The following WDFY4 variants were observed in gnomAD, a reference collection of about 807,000 sequenced individuals.
WDFY4 encodes WD repeat- and FYVE domain-containing protein 4.
A neutral mutation model predicts 351.9 loss-of-function variants in WDFY4; 169 were observed. The observed-to-expected ratio is 0.48, with a 90% CI of 0.42 to 0.55. The LOEUF (loss-of-function observed/expected upper bound fraction) is 0.55, where lower values mean the gene tolerates loss of function less well. Ranked by LOEUF, WDFY4 falls within the 20% of genes least tolerant of loss-of-function variation. The probability of loss-of-function intolerance (pLI) is 0.00; values close to 1 mark genes in which losing one functional copy is unlikely to be tolerated. For missense variants in WDFY4, 3,803 were observed against 3,935.6 expected (o/e 0.97, Z 0.90); for synonymous variants, 1,622 against 1,574.6 (o/e 1.03, Z -0.71).
chr10:48,841,782 T>G (rs547920782), intron 39 of WDFY4, among the ~76,000 whole-genome samples: 2 of 152,202 alleles, frequency 1.3e-5, no homozygotes, highest in Non-Finnish European at 2.9e-5. Flanking sequence ...GCAGTAACCT[T>G]CTTAGATTAG....
intron 47 of WDFY4, among the ~76,000 whole-genome samples, chr10:48,928,474 T>C (rs1030997054): frequency 6.6e-6 from 1 of 151,458 alleles, no homozygotes; most frequent in South Asian, 2.1e-4. Context: ...GGACTCCAGG[T>C]GCCAGCCCAG....
At chr10:48,835,798 C>T (rs1010887236) in intron 39 of WDFY4, among the ~76,000 whole-genome samples, 4 of 152,200 alleles carry the variant, frequency 2.6e-5, no homozygotes, top group African/African-American at 4.8e-5. Flanking sequence ...TTTCTTTCTA[C>T]ACTTTAAATT....
At chr10:48,731,607 G>A (rs1236281364) in intron 9 of WDFY4, 45 bp downstream of exon 9, 1 of 1,519,450 alleles carries the variant, frequency 6.6e-7, no homozygotes, top group Non-Finnish European at 8.8e-7. Flanking sequence ...GTCAGTGTCA[G>A]CCAGGCCTGA....
intron 11 of WDFY4, 76 bp from the exon 12 acceptor site, chr10:48,742,892 C>G (rs2064896838): frequency 2.9e-6 from 4 of 1,373,696 alleles, no homozygotes; most frequent in Non-Finnish European, 3.9e-6. Context: ...GTGGGACGCT[C>G]TGGCAGGAAT....
At chr10:48,744,946 A>T (rs1306504259) in intron 12 of WDFY4, among the ~76,000 whole-genome samples, 1 of 152,156 alleles carries the variant, frequency 6.6e-6, no homozygotes, top group Non-Finnish European at 1.5e-5. Flanking sequence ...CTGCTTCAGC[A>T]CTATTCACAA....
Position 48,915,159 on chromosome 10 carries a change from G to A in WDFY4, c.7586+13296G>A, listed in dbSNP as rs566329062. Among the ~76,000 whole-genome samples, 3 of 152,162 alleles carry A rather than the reference G, an allele frequency of 2.0e-5. No individual in the cohort carries two copies. The South Asian group carries it at 6.2e-4, about 31-fold the overall frequency. ...CACCCTTACAGAGCTATGAGGGGGC[G>A]TAAATTATCTAATACTATAAAGCAC... On this transcript the variant is annotated intron_variant, in intron 47 of 61. Transcript: ENST00000325239.
At chr10:48,974,613 G>A (rs1005362998) in intron 57 of WDFY4, among the ~76,000 whole-genome samples, 1 of 149,892 alleles carries the variant, frequency 6.7e-6, no homozygotes, top group African/African-American at 2.5e-5. Context: ...CTCTGGTTGG[G>A]TTATAAGTAA....
intron 11 of WDFY4, 105 bp from the exon 12 acceptor site, chr10:48,742,863 G>T: frequency 9.6e-7 from 1 of 1,042,370 alleles, no homozygotes; most frequent in South Asian, 1.7e-5. Flanking sequence ...TTGGCCTGAA[G>T]TCGTTGAGGG....
At chr10:48,861,975 G>T (rs2069360151) in intron 39 of WDFY4, among the ~76,000 whole-genome samples, 3 of 152,104 alleles carry the variant, frequency 2.0e-5, no homozygotes, top group Admixed American at 2.0e-4. Context: ...CTTGCATTCT[G>T]CTGTTTTACA....
chr10:48,899,513 T>C (rs3849148), intron 45 of WDFY4, among the ~76,000 whole-genome samples: 2 of 151,780 alleles, frequency 1.3e-5, no homozygotes, highest in African/African-American at 2.4e-5. Context: ...TACAGGTCTC[T>C]TCTCTCCCTA....
rs1004036360 is a variant in WDFY4 at position 48,772,809 on chromosome 10, T to C, written c.2554-1649T>C. ...AGAATATGCGGTGTTTGGTTTTTTGTTCTTGCGATAGTTTACTGAGAATGG... is the reference window on the plus strand; with the variant it reads ...AGAATATGCGGTGTTTGGTTTTTTGCTCTTGCGATAGTTTACTGAGAATGG... On this transcript the variant is annotated intron_variant, in intron 13 of 61. Transcript: ENST00000325239. Among the ~76,000 whole-genome samples, 5 of 150,934 alleles carry C rather than the reference T, an allele frequency of 3.3e-5. No individual in the cohort carries two copies. In the East Asian group the frequency reaches 9.7e-4, roughly 29 times the overall value.
At chr10:48,778,168 T>C (rs763459071) in intron 17 of WDFY4, among the ~76,000 whole-genome samples, 2 of 152,216 alleles carry the variant, frequency 1.3e-5, no homozygotes, top group Non-Finnish European at 2.9e-5. Context: ...TGGGGAGCCA[T>C]TGCCTTCATG....
chr10:48,740,632 G>A (rs911978785), intron 11 of WDFY4, among the ~76,000 whole-genome samples: 16 of 152,200 alleles, frequency 1.1e-4, no homozygotes, highest in Non-Finnish European at 1.6e-4. Context: ...CAACTTTCCT[G>A]GGTTTTCGGC....
chr10:48,962,290 T>A (rs545533635), intron 53 of WDFY4, among the ~76,000 whole-genome samples: 1 of 152,274 alleles, frequency 6.6e-6, no homozygotes, highest in African/African-American at 2.4e-5. Context: ...CCTTCTTGGC[T>A]CCAAAGCCAC....
chr10:48,818,769 T>C (rs1240858717), intron 32 of WDFY4, among the ~76,000 whole-genome samples: 1 of 152,206 alleles, frequency 6.6e-6, no homozygotes. Flanking sequence ...TTTGAAATAG[T>C]TTGATGAATT....
intron 47 of WDFY4, among the ~76,000 whole-genome samples, chr10:48,922,286 A>T (rs1564490100): frequency 2.0e-5 from 3 of 152,286 alleles, no homozygotes. Flanking sequence ...CCCTTTTTCC[A>T]GTGGATTCAC....
chr10:48,719,189 C>T lies in WDFY4; in HGVS notation c.235-822C>T, dbSNP rs549807656. 1.2e-4 allele frequency among the ~76,000 whole-genome samples: 18 copies of T among 152,176 alleles called. No homozygotes were observed. In the East Asian group the frequency reaches 3.5e-3, roughly 29 times the overall value. On this transcript the variant is annotated intron_variant, in intron 2 of 61. Coordinates refer to ENST00000325239, the MANE Select transcript of WDFY4 (RefSeq NM_001394531.1). ...CAAAATAACTGCAGTTATATTATGG[C>T]CTATCTAACATTTTTTATATACAAA...
intron 19 of WDFY4, among the ~76,000 whole-genome samples, chr10:48,786,004 T>C (rs74978920): frequency 0.044 from 6,736 of 152,282 alleles, 516 homozygotes; most frequent in African/African-American, 0.15. Flanking sequence ...TCTCCATTTA[T>C]ATAGGTCGTC....
intron 44 of WDFY4, among the ~76,000 whole-genome samples, chr10:48,895,132 G>T (rs1049143873): frequency 6.6e-6 from 1 of 152,170 alleles, no homozygotes; most frequent in Non-Finnish European, 1.5e-5. Flanking sequence ...CTAAGCAAGG[G>T]GCTCAGGCTG....
Sources: gnomAD v4.1 joint callset for allele counts (sites outside exome capture counted in the v4.1 genomes callset) on GRCh38, gnomAD v4.1.1 for gene constraint, MANE v1.5 for transcripts, NCBI Gene and HGNC (gene_info 2026-07-23, HGNC 2026-07-21) for gene names.